Variants in DCHS2 observed in about 807,000 individuals in gnomAD.
DCHS2 encodes the protein protocadherin-23.
In DCHS2, 142 loss-of-function variants were observed where a neutral mutation model predicts 182.4. The observed-to-expected ratio is 0.78, with a 90% CI of 0.68 to 0.89. The LOEUF is 0.89. Among genes scored for constraint, DCHS2 ranks in the 40% least tolerant of loss-of-function variants. The pLI, the probability that DCHS2 is intolerant of heterozygous loss-of-function variation, is 0.00. For missense variants in DCHS2, 4,319 were observed against 4,198.6 expected, an observed-to-expected ratio of 1.03 and a Z score of -0.79; for synonymous variants, 1,740 against 1,663.3, an observed-to-expected ratio of 1.05 and a Z score of -1.12.
chr4:154,246,447 A>G (rs1732072767), intron 16 of DCHS2, among the ~76,000 whole-genome samples: 1 of 152,166 alleles, frequency 6.6e-6, no homozygotes, highest in African/African-American at 2.4e-5. Context: ...GAAGAGTGCT[A>G]GTCAAGTCCC....
At position 154,333,008 on chromosome 4, in the gene DCHS2, A is replaced by G; in HGVS notation, c.3200T>C (p.Leu1067Pro). ...DQGVHPQAAL[L>P]VLTVVIEKRE... The stretch of plus-strand genomic sequence containing the variant: ...TTTCTCGATAACGACTGTCAGCACC[A>G]GCAGGGCTGCCTGAGGATGCACGCC... The change falls in exon 5 of 20, where the codon CTG becomes CCG. Residue 1067 changes from leucine to proline, a missense_variant. Transcript: ENST00000357232. 6.8e-6 allele frequency: 11 copies of G among 1,614,204 alleles called. No individual in the cohort carries two copies. The highest frequency in any genetic ancestry group is 1.3e-5 in the African/African-American group (1 of 75,068).
chr4:154,456,374 T>C (rs1290107270), intron 1 of DCHS2, among the ~76,000 whole-genome samples: 1 of 152,142 alleles, frequency 6.6e-6, no homozygotes, highest in East Asian at 1.9e-4. Context: ...TGATCTGAGC[T>C]CCTTTAGACT....
chr4:154,419,650 CA>C (rs70947164), intron 1 of DCHS2, among the ~76,000 whole-genome samples: 18,579 of 45,976 alleles, frequency 0.4, 1,097 homozygotes, highest in Admixed American at 0.46. Context: ...AACTCCATCT[CA>C]AAAAAAAAAA....
At position 154,236,155 on chromosome 4, in the gene DCHS2, C is replaced by G. The variant is rs1236109792; in HGVS notation, c.8497G>C (p.Asp2833His). The change falls in exon 20 of 20, where the codon GAT (aspartate) becomes CAT (histidine). Residue 2833 changes from aspartate to histidine, a missense_variant. By Grantham distance (81) the Asp-to-His change is moderately conservative. Transcript: ENST00000357232. ...TCAAGGATTTGCTTAGCATGAATAT[C>G]CCCTGTCAAAGGGTCAATGAGGAAG... ...DLFLIDPLTG[D>H]IHAKQILDYE... 6.2e-7 allele frequency: 1 copy of G among 1,613,718 alleles called. No homozygotes were observed. Among genetic ancestry groups the G allele is most frequent in the East Asian group, 2.2e-5 (1 of 44,864 alleles).
intron 13 of DCHS2, among the ~76,000 whole-genome samples, chr4:154,294,203 C>A (rs1314259999): frequency 6.6e-6 from 1 of 152,056 alleles, no homozygotes; most frequent in African/African-American, 2.4e-5. Flanking sequence ...ATCATCAAAA[C>A]CACCTTTTAA....
chr4:154,434,959 G>T (rs1245878360), intron 1 of DCHS2, among the ~76,000 whole-genome samples: 1 of 152,114 alleles, frequency 6.6e-6, no homozygotes, highest in South Asian at 2.1e-4. Context: ...AGGGAGACAT[G>T]CTGCATAAAG....
At chr4:154,257,197 G>A (rs151213314) in intron 15 of DCHS2, among the ~76,000 whole-genome samples, 1 of 152,010 alleles carries the variant, frequency 6.6e-6, no homozygotes, top group Non-Finnish European at 1.5e-5. Context: ...GCAGTGAGCC[G>A]AGATCACGCC....
rs1375442572 is a variant in DCHS2 at position 154,489,816 on chromosome 4, CG to C, written c.1539del (p.Asp513GlufsTer7). On this transcript the variant is annotated frameshift_variant, in exon 1 of 20. Transcript: ENST00000357232. LOFTEE classifies it high-confidence loss of function. ...TCCGTGCTCAGCGGCGGGGACCCCG[CG>C]TCCGTGGCCACCAGTAGTAACTCAT... ...DLYELLLVAT[D>X]AGSPPLSTEE... 1.3e-6 allele frequency: 2 copies of C among 1,551,274 alleles called. No individual in the cohort carries two copies. The highest frequency in any genetic ancestry group is 1.7e-6 in the Non-Finnish European group (2 of 1,146,888).
chr4:154,416,490 T>A (rs1732837871), intron 1 of DCHS2, among the ~76,000 whole-genome samples: 1 of 152,200 alleles, frequency 6.6e-6, no homozygotes, highest in African/African-American at 2.4e-5. Context: ...TATTAAATCT[T>A]CAGGCTCCCT....
intron 4 of DCHS2, chr4:154,334,608 CAT>C (rs1728699596): frequency 5.1e-6 from 2 of 389,860 alleles, no homozygotes; most frequent in Non-Finnish European, 9.3e-6. Context: ...TTATAGGAGA[CAT>C]ATATTTTGTA....
At chr4:154,337,850 T>C (rs1811624) in intron 3 of DCHS2, among the ~76,000 whole-genome samples, 151,447 of 152,192 alleles carry the variant, frequency 1, 75,354 homozygotes, top group Middle Eastern at 1. Flanking sequence ...AAGCGATTCT[T>C]CTGCCTCAGC....
intron 3 of DCHS2, among the ~76,000 whole-genome samples, chr4:154,350,723 C>CT (rs749096359): frequency 2.6e-5 from 4 of 151,838 alleles, no homozygotes; most frequent in Non-Finnish European, 4.4e-5. Context: ...ATTTTTTTTG[C>CT]TATCAATCTC....
chr4:154,420,191 A>G (rs1327451915), intron 1 of DCHS2, among the ~76,000 whole-genome samples: 1 of 151,750 alleles, frequency 6.6e-6, no homozygotes, highest in East Asian at 1.9e-4. Flanking sequence ...AAGAAGTGAG[A>G]AAAAAAAGGA....
chr4:154,245,486 A>G (rs1184797825), intron 16 of DCHS2, among the ~76,000 whole-genome samples: 1 of 152,196 alleles, frequency 6.6e-6, no homozygotes, highest in Non-Finnish European at 1.5e-5. Context: ...ACTTGTTGGT[A>G]GAGGATTTTT....
chr4:154,381,044 G>A (rs1049001517), intron 1 of DCHS2, among the ~76,000 whole-genome samples: 1 of 152,062 alleles, frequency 6.6e-6, no homozygotes, highest in African/African-American at 2.4e-5. Context: ...TGAAGCAAGA[G>A]GCACCTGGCC....
intron 1 of DCHS2, among the ~76,000 whole-genome samples, chr4:154,458,140 G>C (rs1038069435): frequency 7.5e-6 from 1 of 132,604 alleles, no homozygotes; most frequent in East Asian, 1.9e-4. Context: ...GTACACAAGA[G>C]GGGAAGGTAA....
rs565018645 is a variant in DCHS2 at position 154,489,488 on chromosome 4, C to A, written c.1868G>T (p.Arg623Leu). Residue 623 changes from arginine (R) to leucine (L), a missense_variant, in exon 1 of 20, where the codon CGA becomes CTA. Physicochemically the swap from Arg to Leu is moderately radical, Grantham distance 102. Transcript: ENST00000357232. ...GAISTIRTLD[R>L]EVQEAVELKV... ...CAGCTCCACCGCCTCCTGGACCTCT[C>A]GGTCTAGAGTCCGGATAGTGCTGAT... 5.8e-6 allele frequency: 9 copies of A among 1,551,586 alleles called. No individual in the cohort carries two copies. The highest frequency in any genetic ancestry group is 7.8e-6 in the Non-Finnish European group (9 of 1,146,998).
chr4:154,439,048 T>C (rs1474604621), intron 1 of DCHS2, among the ~76,000 whole-genome samples: 1 of 152,228 alleles, frequency 6.6e-6, no homozygotes, highest in East Asian at 1.9e-4. Flanking sequence ...AGTGTTGTCT[T>C]AGAAAAGTTT....
rs1728837767 is a variant in DCHS2, at chr4:154,491,530, T to TCTGC, written c.-179_-176dup. The TCTGC allele has an allele frequency of 2.9e-6, 4 of 1,396,640 alleles. No homozygotes were observed. The highest frequency in any genetic ancestry group is 3.7e-6 in the Non-Finnish European group (4 of 1,081,806). 86.5% of individuals were successfully genotyped at this position (1,396,640 alleles called of 1,614,324 possible). A position where few individuals can be genotyped will look rare whatever the true frequency, so the allele number is the denominator to read the frequency against. ...ACATCTGCAACTGGTGAAAGCGTCCTCTGCCTGCAGCTCACGCAGACAGGG... is the reference window on the plus strand; with the variant it reads ...ACATCTGCAACTGGTGAAAGCGTCCTCTGCCTGCCTGCAGCTCACGCAGACAGGG... On this transcript the variant is annotated 5_prime_UTR_variant, in exon 1 of 20. Coordinates refer to ENST00000357232, the MANE Select transcript of DCHS2 (RefSeq NM_001358235.2).
Sources: allele counts gnomAD v4.1 joint callset (sites outside exome capture counted in the v4.1 genomes callset), GRCh38; gene constraint gnomAD v4.1.1; transcripts MANE v1.5; gene names NCBI Gene and HGNC (gene_info 2026-07-23, HGNC 2026-07-21).